CALCR: variants seen among roughly 807,000 people sequenced by gnomAD.
CALCR encodes calcitonin receptor.
A neutral mutation model predicts 59.5 loss-of-function variants in CALCR; 47 were observed. That is an observed-to-expected ratio of 0.79 (90% CI 0.63 to 1.01). The LOEUF (loss-of-function observed/expected upper bound fraction) is 1.01. CALCR is among the 50% of genes least tolerant of loss of function. The pLI is 0.00. For missense variants in CALCR, 566 were observed against 597.1 expected, an observed-to-expected ratio of 0.95 and a Z score of 0.54; for synonymous variants, 213 against 211.3, an observed-to-expected ratio of 1.01 and a Z score of -0.07.
At chr7:93,539,827 A>G (rs1789084620) in intron 2 of CALCR, among the ~76,000 whole-genome samples, 1 of 152,196 alleles carries the variant, frequency 6.6e-6, no homozygotes, top group South Asian at 2.1e-4. Flanking sequence ...GTAAGAAGAA[A>G]GAAGCAGTTC....
chr7:93,451,777 T>A (rs895031297), intron 8 of CALCR, among the ~76,000 whole-genome samples: 1 of 151,992 alleles, frequency 6.6e-6, no homozygotes, highest in Non-Finnish European at 1.5e-5. Flanking sequence ...TTTAGTTTTT[T>A]AAATTTCTCC....
At chr7:93,446,512 T>G (rs1394951729) in intron 8 of CALCR, among the ~76,000 whole-genome samples, 1 of 152,028 alleles carries the variant, frequency 6.6e-6, no homozygotes. Context: ...GTAATTCAGT[T>G]GCATTCAACA....
At chr7:93,546,013 T>G (rs892757369) in intron 2 of CALCR, among the ~76,000 whole-genome samples, 2 of 152,172 alleles carry the variant, frequency 1.3e-5, no homozygotes, top group Non-Finnish European at 2.9e-5. Flanking sequence ...AAAATACTGT[T>G]GCAAATTAAC....
intron 2 of CALCR, among the ~76,000 whole-genome samples, chr7:93,509,786 A>G (rs142387545): frequency 5.9e-5 from 9 of 152,174 alleles, no homozygotes; most frequent in Non-Finnish European, 1.2e-4. Context: ...ATATGACAAT[A>G]CTATATTATG....
chr7:93,475,189 T>C (rs1460473186), intron 5 of CALCR, among the ~76,000 whole-genome samples: 2 of 151,918 alleles, frequency 1.3e-5, no homozygotes, highest in South Asian at 2.1e-4. Flanking sequence ...ATAGAGTTAT[T>C]TGTATGTTTA....
chr7:93,429,942 G>GTT (rs372794402), intron 13 of CALCR, among the ~76,000 whole-genome samples: 11 of 92,512 alleles, frequency 1.2e-4, no homozygotes, highest in East Asian at 6.9e-4. Context: ...TTGTTTTTTT[G>GTT]TTTTTTTTTG....
At chr7:93,556,714 T>C (rs924356950) in intron 2 of CALCR, among the ~76,000 whole-genome samples, 2 of 152,086 alleles carry the variant, frequency 1.3e-5, no homozygotes, top group Non-Finnish European at 2.9e-5. Context: ...TAATATATGA[T>C]GACCATATTT....
intron 2 of CALCR, among the ~76,000 whole-genome samples, chr7:93,500,695 T>C (rs1801303734): frequency 6.6e-6 from 1 of 152,004 alleles, no homozygotes; most frequent in South Asian, 2.1e-4. Flanking sequence ...ATCCAGGACT[T>C]GCTCTTACGG....
chr7:93,514,433 C>T (rs955614324), intron 2 of CALCR, among the ~76,000 whole-genome samples: 3 of 151,798 alleles, frequency 2.0e-5, no homozygotes, highest in African/African-American at 7.3e-5. Context: ...GTCAGTGCTT[C>T]AATACTTCAA....
intron 5 of CALCR, among the ~76,000 whole-genome samples, chr7:93,473,227 G>A (rs922868593): frequency 2.0e-5 from 3 of 151,764 alleles, no homozygotes; most frequent in African/African-American, 7.3e-5. Flanking sequence ...TTCGCTATGG[G>A]GGTGCCAGGC....
At chr7:93,440,539 G>GTTTGTC (rs1799878863) in intron 9 of CALCR, among the ~76,000 whole-genome samples, 1 of 91,214 alleles carries the variant, frequency 1.1e-5, no homozygotes, top group Admixed American at 1.4e-4. Flanking sequence ...TTTGGTGTGT[G>GTTTGTC]TGTGTCTGTG....
chr7:93,569,747 A>G (rs2116291561), intron 2 of CALCR, among the ~76,000 whole-genome samples: 1 of 152,342 alleles, frequency 6.6e-6, no homozygotes. Flanking sequence ...GCAAAGCTAT[A>G]GGATGGAAAT....
intron 2 of CALCR, chr7:93,559,842 T>G (rs1182676737): frequency 1.3e-5 from 2 of 152,228 alleles, no homozygotes; most frequent in Admixed American, 6.6e-5. Context: ...GACTTTGTTG[T>G]CCTTTCTGTC....
intron 2 of CALCR, among the ~76,000 whole-genome samples, chr7:93,501,207 G>A (rs1196053373): frequency 6.6e-6 from 1 of 151,896 alleles, no homozygotes; most frequent in African/African-American, 2.4e-5. Flanking sequence ...CTGATCTGAC[G>A]AACTTTATCT....
Position 93,425,308 on chromosome 7 carries a change from G to T in CALCR, c.*1048C>A, listed in dbSNP as rs144859264. ...AGTTGATTTCTAATTAGCCCTCCTG[G>T]ATCTTCCTGGAAAAGCCTGAGCTCT... is the stretch of plus-strand genomic sequence containing the variant. On this transcript the variant is annotated 3_prime_UTR_variant, in exon 14 of 14. Transcript: ENST00000426151. 6.6e-6 allele frequency: 1 copy of T among 152,664 alleles called. No individual in the cohort carries two copies. Among genetic ancestry groups the T allele is most frequent in the East Asian group, 1.9e-4 (1 of 5,184 alleles). 9.5% of individuals were successfully genotyped at this position (152,664 alleles called of 1,614,324 possible).
chr7:93,479,559 A>C lies in CALCR; in HGVS notation c.52-52T>G, dbSNP rs1322441020. On this transcript the variant is annotated intron_variant, in intron 3 of 13. Coordinates refer to ENST00000426151, the MANE Select transcript of CALCR (RefSeq NM_001742.4). ...TTATAGACAGGAGGAATGGGTGAGC[A>C]CAAATAAATGAGACAATGAAAAAGT... 3 of 1,506,848 alleles carry C rather than the reference A, an allele frequency of 2.0e-6. No homozygotes were observed. In the Admixed American group the frequency reaches 6.1e-5, roughly 31 times the overall value. 93.3% of individuals were successfully genotyped at this position (1,506,848 alleles called of 1,614,324 possible).
chr7:93,479,428 C>T lies in CALCR; in HGVS notation c.131G>A (p.Gly44Glu), dbSNP rs775629542. 1.1e-5 allele frequency: 18 copies of T among 1,612,474 alleles called. No homozygotes were observed. Among genetic ancestry groups the T allele is most frequent in the Non-Finnish European group, 1.3e-5 (15 of 1,179,126 alleles). The change falls in exon 4 of 14, where the codon GGA becomes GAA. Residue 44 changes from glycine to glutamate, a missense_variant. Coordinates refer to ENST00000426151, the MANE Select transcript of CALCR (RefSeq NM_001742.4). The part of the protein sequence containing the change: ...IEPKPFLYVV[G>E]RKKMMDAQYK... The stretch of plus-strand genomic sequence containing the variant: ...CTGTGCATCCATCATCTTCTTTCGT[C>T]CTACGACGTAAAGAAATGGCTTGGG...
chr7:93,553,157 G>A (rs564428914), intron 2 of CALCR, among the ~76,000 whole-genome samples: 20 of 152,178 alleles, frequency 1.3e-4, no homozygotes, highest in East Asian at 1.2e-3. Flanking sequence ...TTTTCTCATC[G>A]AATTTCACCC....
intron 13 of CALCR, among the ~76,000 whole-genome samples, chr7:93,429,024 C>G (rs1372564355): frequency 6.6e-6 from 1 of 152,128 alleles, no homozygotes; most frequent in Non-Finnish European, 1.5e-5. Context: ...AAGTACACAG[C>G]CCAGCATGGG....
Sources: gnomAD v4.1 joint callset for allele counts (sites outside exome capture counted in the v4.1 genomes callset) on GRCh38, gnomAD v4.1.1 for gene constraint, MANE v1.5 for transcripts, NCBI Gene and HGNC (gene_info 2026-07-23, HGNC 2026-07-21) for gene names.